PPFIA2: variants seen among roughly 807,000 people sequenced by gnomAD.
The protein encoded by PPFIA2 is PPFI scaffold protein A2.
Under a neutral mutation model 175.5 loss-of-function variants are expected in PPFIA2, and 46 were observed. The observed-to-expected ratio is 0.26, with a 90% confidence interval of 0.21 to 0.34. The LOEUF (loss-of-function observed/expected upper bound fraction) is 0.34. Among genes scored for constraint, PPFIA2 ranks in the 10% least tolerant of loss-of-function variants. The pLI, the probability that PPFIA2 is intolerant of heterozygous loss-of-function variation, is 1.00. For synonymous variants in PPFIA2, 568 were observed against 511.4 expected (o/e 1.11, Z -1.49); for missense variants, 1,179 against 1,506.1 (o/e 0.78, Z 3.60).
At chr12:81,601,571 T>C (rs2059793258) in intron 4 of PPFIA2, among the ~76,000 whole-genome samples, 1 of 150,666 alleles carries the variant, frequency 6.6e-6, no homozygotes, top group Admixed American at 6.7e-5. Flanking sequence ...ATAATAAGTA[T>C]TAAATTTAGT....
chr12:81,524,707 G>T (rs928129433), intron 4 of PPFIA2, among the ~76,000 whole-genome samples: 3 of 152,108 alleles, frequency 2.0e-5, no homozygotes, highest in African/African-American at 7.2e-5. Flanking sequence ...ATACTTTTGG[G>T]GTAATTGAAA....
At chr12:81,436,712 A>G (rs948805405) in intron 7 of PPFIA2, among the ~76,000 whole-genome samples, 10 of 152,170 alleles carry the variant, frequency 6.6e-5, no homozygotes, top group Admixed American at 2.0e-4. Context: ...TGAAATATCA[A>G]TTTTATTAAG....
chr12:81,694,718 C>T (rs1438112578), intron 3 of PPFIA2, among the ~76,000 whole-genome samples: 2 of 152,146 alleles, frequency 1.3e-5, no homozygotes, highest in African/African-American at 4.8e-5. Context: ...AGAGAGGCTA[C>T]CACCCTCCAG....
At chr12:81,496,713 A>G (rs1009085529) in intron 4 of PPFIA2, among the ~76,000 whole-genome samples, 2 of 152,210 alleles carry the variant, frequency 1.3e-5, no homozygotes, top group African/African-American at 4.8e-5. Flanking sequence ...CTGGGATAGA[A>G]TGGGAAAATT....
intron 3 of PPFIA2, among the ~76,000 whole-genome samples, chr12:81,711,134 G>A (rs2077850659): frequency 6.6e-6 from 1 of 151,060 alleles, no homozygotes; most frequent in South Asian, 2.1e-4. Context: ...AGGCTGAGGT[G>A]GGAGGATTGC....
At chr12:81,723,791 A>G (rs1386708684) in intron 3 of PPFIA2, among the ~76,000 whole-genome samples, 2 of 150,996 alleles carry the variant, frequency 1.3e-5, no homozygotes, top group African/African-American at 4.8e-5. Context: ...TCTGCATATT[A>G]TAATGGGATA....
intron 21 of PPFIA2, among the ~76,000 whole-genome samples, chr12:81,333,566 C>T (rs2056541654): frequency 6.6e-6 from 1 of 152,084 alleles, no homozygotes. Flanking sequence ...ACTCTTATGT[C>T]TGTTAATGTG....
At chr12:81,555,507 C>T (rs1414456035) in intron 4 of PPFIA2, among the ~76,000 whole-genome samples, 1 of 151,928 alleles carries the variant, frequency 6.6e-6, no homozygotes, top group Non-Finnish European at 1.5e-5. Flanking sequence ...TATTATTCTG[C>T]AATTCTTGAA....
Position 81,541,616 on chromosome 12 carries a change from C to G in PPFIA2, c.304-83750G>C, listed in dbSNP as rs190299282. ...TACTTGTGAAAAAATTGTTACTGCT[C>G]AACAAATAGTTCTCTTTCATTATAT... On this transcript the variant is annotated intron_variant, in intron 4 of 32. Transcript: ENST00000549396. Among the ~76,000 whole-genome samples, 3 of 152,144 alleles carry G rather than the reference C, an allele frequency of 2.0e-5. No homozygotes were observed. The East Asian group carries it at 5.8e-4, about 29-fold the overall frequency.
chr12:81,307,655 A>G (rs1479551510), intron 22 of PPFIA2, among the ~76,000 whole-genome samples: 1 of 152,030 alleles, frequency 6.6e-6, no homozygotes, highest in Non-Finnish European at 1.5e-5. Context: ...TCATTTGGTA[A>G]CTTGTCCCTT....
chr12:81,674,215 T>C (rs892205187), intron 4 of PPFIA2, among the ~76,000 whole-genome samples: 3 of 152,076 alleles, frequency 2.0e-5, no homozygotes, highest in Non-Finnish European at 4.4e-5. Context: ...AAGAAATTAC[T>C]TGACAGCTAT....
chr12:81,266,642 T>A (rs1216715329), intron 30 of PPFIA2, among the ~76,000 whole-genome samples: 1 of 152,154 alleles, frequency 6.6e-6, no homozygotes, highest in Non-Finnish European at 1.5e-5. Flanking sequence ...AACATTAGTG[T>A]TTTAACTTTT....
chr12:81,350,123 A>G (rs1237397186), intron 17 of PPFIA2, among the ~76,000 whole-genome samples: 4 of 152,204 alleles, frequency 2.6e-5, no homozygotes, highest in Non-Finnish European at 5.9e-5. Flanking sequence ...GAAGAGAAAT[A>G]GCTTGTTATG....
At chr12:81,592,909 C>T (rs2058833454) in intron 4 of PPFIA2, among the ~76,000 whole-genome samples, 1 of 128,386 alleles carries the variant, frequency 7.8e-6, no homozygotes, top group South Asian at 2.4e-4. Flanking sequence ...GTGTGTACCA[C>T]CATGCCCAGC....
At chr12:81,656,812 C>T (rs1332204239) in intron 4 of PPFIA2, among the ~76,000 whole-genome samples, 1 of 151,570 alleles carries the variant, frequency 6.6e-6, no homozygotes, top group Non-Finnish European at 1.5e-5. Context: ...TCCTATAATA[C>T]TTATAAATCT....
intron 4 of PPFIA2, among the ~76,000 whole-genome samples, chr12:81,508,095 C>A (rs533167631): frequency 1.3e-5 from 2 of 152,184 alleles, no homozygotes; most frequent in East Asian, 3.9e-4. Context: ...CAGGGTGGGG[C>A]ATTAACTTTA....
chr12:81,509,036 A>G (rs1053462186), intron 4 of PPFIA2, among the ~76,000 whole-genome samples: 4 of 152,228 alleles, frequency 2.6e-5, no homozygotes, highest in Admixed American at 2.6e-4. Flanking sequence ...AAAAATGATG[A>G]GTTCATGTCC....
At chr12:81,295,106 A>G in intron 23 of PPFIA2, 71 bp from the exon 24 acceptor site, 1 of 1,405,360 alleles carries the variant, frequency 7.1e-7, no homozygotes, top group East Asian at 2.5e-5. Flanking sequence ...ATATGCTAGG[A>G]ATTATTTTAT....
At chr12:81,538,294 G>T (rs2065696771) in intron 4 of PPFIA2, among the ~76,000 whole-genome samples, 1 of 151,948 alleles carries the variant, frequency 6.6e-6, no homozygotes, top group East Asian at 1.9e-4. Flanking sequence ...TTAAAGAAAA[G>T]AAGTTGTAGA....
Sources: allele counts gnomAD v4.1 joint callset (sites outside exome capture counted in the v4.1 genomes callset), GRCh38; gene constraint gnomAD v4.1.1; transcripts MANE v1.5; gene names NCBI Gene and HGNC (gene_info 2026-07-23, HGNC 2026-07-21).